The following XYLT1 variants were observed in gnomAD, a reference collection of about 807,000 sequenced individuals.
XYLT1 encodes the protein xylosyltransferase 1, also known as beta-D-xylosyltransferase 1.
In XYLT1, 36 loss-of-function variants were observed where a neutral mutation model predicts 91.3. That is an observed-to-expected ratio of 0.39 (90% CI 0.30 to 0.52). XYLT1 has a LOEUF of 0.52. Among genes scored for constraint, XYLT1 ranks in the 20% least tolerant of loss-of-function variants. The pLI is 0.68. For synonymous variants in XYLT1, 588 were observed against 532.0 expected, an observed-to-expected ratio of 1.11 and a Z score of -1.45; for missense variants, 1,242 against 1,284.5, an observed-to-expected ratio of 0.97 and a Z score of 0.51.
At chr16:17,176,495 G>GT (rs1368674093) in intron 5 of XYLT1, among the ~76,000 whole-genome samples, 10 of 152,240 alleles carry the variant, frequency 6.6e-5, no homozygotes, top group Non-Finnish European at 1.2e-4. Flanking sequence ...ATTGAACTCA[G>GT]GCTCTGCTGC....
At chr16:17,350,041 T>C (rs2035199258) in intron 2 of XYLT1, among the ~76,000 whole-genome samples, 1 of 151,922 alleles carries the variant, frequency 6.6e-6, no homozygotes. Flanking sequence ...ACCCGGCTAA[T>C]TTTTTTGTAT....
intron 2 of XYLT1, among the ~76,000 whole-genome samples, chr16:17,326,562 G>A (rs62030288): frequency 1.3e-5 from 2 of 151,482 alleles, no homozygotes; most frequent in South Asian, 2.1e-4. Flanking sequence ...GGTGGCTCAC[G>A]CCTGTAATCC....
intron 5 of XYLT1, among the ~76,000 whole-genome samples, chr16:17,179,987 G>A (rs1014358799): frequency 1.3e-5 from 2 of 152,202 alleles, no homozygotes; most frequent in African/African-American, 4.8e-5. Context: ...GCTCCACTGA[G>A]CTCCACTTCT....
At position 17,435,617 on chromosome 16, in the gene XYLT1, GA is replaced by G. The variant is rs34281511; in HGVS notation, c.363+34816del. On this transcript the variant is annotated intron_variant, in intron 1 of 11. Transcript: ENST00000261381. ...AAGGTAAATGCTTCCTGATGAGAAG[GA>G]AAAAAAAAAGTCTAAGGAGTCTTCA... Among the ~76,000 whole-genome samples, 565 of 147,774 alleles carry G rather than the reference GA, an allele frequency of 3.8e-3. 2 individuals are homozygous for G. Among genetic ancestry groups the G allele is most frequent in the African/African-American group, 0.013 (525 of 40,262 alleles).
intron 6 of XYLT1, among the ~76,000 whole-genome samples, chr16:17,149,861 G>A (rs2031239582): frequency 6.6e-6 from 1 of 152,162 alleles, no homozygotes; most frequent in Non-Finnish European, 1.5e-5. Context: ...GAGCTGGTGT[G>A]ATGATTCAAA....
intron 2 of XYLT1, among the ~76,000 whole-genome samples, chr16:17,307,471 T>C (rs1315016152): frequency 6.6e-6 from 1 of 152,236 alleles, no homozygotes; most frequent in East Asian, 1.9e-4. Context: ...ATTTTATTTA[T>C]ATTTTGCAGT....
chr16:17,361,988 T>C (rs1027948825), intron 1 of XYLT1, among the ~76,000 whole-genome samples: 13 of 152,166 alleles, frequency 8.5e-5, no homozygotes, highest in African/African-American at 3.1e-4. Context: ...ATCACTATCA[T>C]TAGTATAGAG....
At chr16:17,401,959 A>T (rs1258763721) in intron 1 of XYLT1, among the ~76,000 whole-genome samples, 1 of 152,190 alleles carries the variant, frequency 6.6e-6, no homozygotes, top group Non-Finnish European at 1.5e-5. Flanking sequence ...GTGGTGAATT[A>T]TGCGCTAATT....
At chr16:17,461,645 CTGAT>C (rs1217308034) in intron 1 of XYLT1, among the ~76,000 whole-genome samples, 3 of 151,956 alleles carry the variant, frequency 2.0e-5, no homozygotes, top group Admixed American at 6.6e-5. Flanking sequence ...GATGAATGGA[CTGAT>C]GGATGGATGG....
intron 1 of XYLT1, among the ~76,000 whole-genome samples, chr16:17,380,865 A>G (rs1420201282): frequency 6.6e-6 from 1 of 152,238 alleles, no homozygotes; most frequent in African/African-American, 2.4e-5. Flanking sequence ...GACAAACCTC[A>G]AAGACATTAT....
In XYLT1 at chr16:17,390,718, T is replaced by C. The variant is rs548218352; in HGVS notation, c.364-32668A>G. ...CTAAACCACCTTTGTAAAGCTAATG[T>C]AGGTCCATTAGGTTACAAGGATTAA... On this transcript the variant is annotated intron_variant, in intron 1 of 11. Coordinates refer to ENST00000261381, the MANE Select transcript of XYLT1 (RefSeq NM_022166.4). Among the ~76,000 whole-genome samples the C allele has an allele frequency of 5.9e-5, 9 of 152,334 alleles. No homozygotes were observed. In the East Asian group the frequency reaches 1.7e-3, roughly 29 times the overall value.
chr16:17,412,855 C>T (rs1374196639), intron 1 of XYLT1, among the ~76,000 whole-genome samples: 1 of 152,178 alleles, frequency 6.6e-6, no homozygotes, highest in African/African-American at 2.4e-5. Context: ...AATGGCAGCA[C>T]TCCTGGGGAG....
At chr16:17,146,590 T>C (rs1046330530) in intron 6 of XYLT1, among the ~76,000 whole-genome samples, 1 of 152,166 alleles carries the variant, frequency 6.6e-6, no homozygotes, top group African/African-American at 2.4e-5. Context: ...CATTCTGAAA[T>C]GCACTTCCAC....
intron 3 of XYLT1, among the ~76,000 whole-genome samples, chr16:17,224,039 C>A (rs1423275595): frequency 6.6e-6 from 1 of 152,210 alleles, no homozygotes; most frequent in African/African-American, 2.4e-5. Flanking sequence ...ATTCTAGGAC[C>A]AGACCTCGCT....
intron 3 of XYLT1, among the ~76,000 whole-genome samples, chr16:17,210,162 G>T (rs1427326983): frequency 6.6e-6 from 1 of 152,144 alleles, no homozygotes; most frequent in Admixed American, 6.5e-5. Context: ...CAGAGTAGCT[G>T]GGACCAGAGG....
At chr16:17,334,228 T>C (rs2034944841) in intron 2 of XYLT1, among the ~76,000 whole-genome samples, 1 of 152,156 alleles carries the variant, frequency 6.6e-6, no homozygotes, top group Non-Finnish European at 1.5e-5. Flanking sequence ...CATAAACAAC[T>C]TAGGCCGGGG....
At chr16:17,468,473 T>G (rs2036930094) in intron 1 of XYLT1, among the ~76,000 whole-genome samples, 1 of 152,100 alleles carries the variant, frequency 6.6e-6, no homozygotes, top group African/African-American at 2.4e-5. Context: ...AAGCAGAGTT[T>G]CAGAAAAGCA....
In XYLT1 at chr16:17,470,835, G is replaced by T. The variant is rs1025631677; in HGVS notation, c.-39C>A. 3.0e-6 allele frequency: 3 copies of T among 984,648 alleles called. No individual in the cohort carries two copies. In the African/African-American group the frequency reaches 5.3e-5, roughly 17 times the overall value. The allele number at this position is 984,648 out of a possible 1,614,324, so 61.0% of individuals were successfully genotyped here. On this transcript the variant is annotated 5_prime_UTR_variant, in exon 1 of 12. Transcript: ENST00000261381. The stretch of plus-strand genomic sequence containing the variant: ...CCGGCGAGCGAGGCGCGGGGACCCC[G>T]GCACGCTCCGGGCCGCCCCCGCGCT...
chr16:17,383,944 C>T (rs1376898244), intron 1 of XYLT1, among the ~76,000 whole-genome samples: 2 of 151,808 alleles, frequency 1.3e-5, no homozygotes, highest in Admixed American at 6.6e-5. Context: ...GACAGGGTTT[C>T]GCCATGTGGG....
Sources: gnomAD v4.1 joint callset for allele counts (sites outside exome capture counted in the v4.1 genomes callset) on GRCh38, gnomAD v4.1.1 for gene constraint, MANE v1.5 for transcripts, NCBI Gene and HGNC (gene_info 2026-07-23, HGNC 2026-07-21) for gene names.